Variants in PTAR1 observed in about 807,000 individuals in gnomAD.
The protein encoded by PTAR1 is protein prenyltransferase alpha subunit repeat-containing protein 1.
PTAR1 carries 17 observed loss-of-function variants against 45.5 expected under a neutral mutation model. The observed-to-expected ratio is 0.37, with a 90% CI of 0.26 to 0.56. The LOEUF (loss-of-function observed/expected upper bound fraction) is 0.56, where lower values mean the gene tolerates loss of function less well. Ranked by LOEUF, PTAR1 falls within the 20% of genes least tolerant of loss-of-function variation. PTAR1 has a pLI of 0.77. For synonymous variants in PTAR1, 169 were observed against 171.3 expected, an observed-to-expected ratio of 0.99 and a Z score of 0.11; for missense variants, 391 against 476.3, an observed-to-expected ratio of 0.82 and a Z score of 1.67.
chr9:69,741,809 G>A lies in PTAR1; in HGVS notation c.306C>T (p.Thr102=), dbSNP rs374661579. 1 of 1,598,754 alleles carries A rather than the reference G, an allele frequency of 6.3e-7. No individual in the cohort carries two copies. The highest frequency in any genetic ancestry group is 8.5e-7 in the Non-Finnish European group (1 of 1,170,460). The change falls in exon 3 of 8, where the codon ACC becomes ACT. Residue 102 remains threonine, a synonymous_variant. Coordinates refer to ENST00000340434, the MANE Select transcript of PTAR1 (RefSeq NM_001099666.2). ...CTLLLLNPDF[T]TAWNVRKELI... is the part of the protein sequence containing the mutation. ...TGACATACCTCACGTTCCATGCAGT[G>A]GTAAAGTCTGGGTTTAGAAGCAGCA...
chr9:69,723,161 C>G (rs185842662), intron 6 of PTAR1, among the ~76,000 whole-genome samples, 165 bp downstream of exon 6: 2 of 151,544 alleles, frequency 1.3e-5, no homozygotes, highest in African/African-American at 4.9e-5. Flanking sequence ...ATGATGATGA[C>G]GATGATATGG....
chr9:69,735,763 G>A (rs924530114), intron 3 of PTAR1, among the ~76,000 whole-genome samples: 1 of 151,888 alleles, frequency 6.6e-6, no homozygotes, highest in Admixed American at 6.6e-5. Flanking sequence ...TTTTAGAGAA[G>A]TTTAAGCCAG....
intron 1 of PTAR1, among the ~76,000 whole-genome samples, chr9:69,753,424 TA>T (rs1826622203): frequency 6.6e-6 from 1 of 152,156 alleles, no homozygotes; most frequent in Admixed American, 6.5e-5. Flanking sequence ...CTTGTCCCTC[TA>T]AAAGAACATT....
intron 2 of PTAR1, among the ~76,000 whole-genome samples, chr9:69,750,250 A>C (rs1826462327): frequency 6.6e-6 from 1 of 152,080 alleles, no homozygotes; most frequent in African/African-American, 2.4e-5. Context: ...ATTTCAGCAC[A>C]GGAACAGGAT....
At position 69,718,291 on chromosome 9, in the gene PTAR1, G is replaced by T; in HGVS notation, c.*51C>A. The T allele has an allele frequency of 1.2e-5, 16 of 1,284,548 alleles. No individual in the cohort carries two copies. The highest frequency in any genetic ancestry group is 1.7e-5 in the Non-Finnish European group (16 of 929,206). The allele number at this position is 1,284,548 out of a possible 1,614,324, so 79.6% of individuals were successfully genotyped here. On this transcript the variant is annotated 3_prime_UTR_variant, in exon 8 of 8. Coordinates refer to ENST00000340434, the MANE Select transcript of PTAR1 (RefSeq NM_001099666.2). The stretch of plus-strand genomic sequence containing the variant: ...TCATGCAACTATGTAAATAATAAAA[G>T]AAAGCAATATTGCACTAAAAGGGGA...
intron 1 of PTAR1, among the ~76,000 whole-genome samples, chr9:69,754,532 CTTTTTTTTTTTT>C (rs60025062): frequency 2.6e-5 from 2 of 76,266 alleles, no homozygotes; most frequent in Admixed American, 3.0e-4. Context: ...GGGTATATAT[CTTTTTTTTTTTT>C]TTTTTTTTTT....
intron 3 of PTAR1, among the ~76,000 whole-genome samples, chr9:69,741,350 T>C (rs1305016820): frequency 6.6e-6 from 1 of 152,106 alleles, no homozygotes; most frequent in African/African-American, 2.4e-5. Context: ...TTTCAGTAAA[T>C]GGCAATTCCA....
intron 2 of PTAR1, among the ~76,000 whole-genome samples, chr9:69,743,427 G>C (rs954275403): frequency 2.0e-5 from 3 of 152,048 alleles, no homozygotes; most frequent in Non-Finnish European, 2.9e-5. Context: ...AAATATTCTA[G>C]CTAACAATAA....
intron 3 of PTAR1, among the ~76,000 whole-genome samples, chr9:69,738,381 A>G (rs1029221988): frequency 2.0e-5 from 3 of 152,234 alleles, no homozygotes; most frequent in Non-Finnish European, 4.4e-5. Flanking sequence ...TTTGGTGCAC[A>G]GCTCAACCTT....
At chr9:69,754,532 C>CTTTT (rs60025062) in intron 1 of PTAR1, among the ~76,000 whole-genome samples, 7 of 76,260 alleles carry the variant, frequency 9.2e-5, no homozygotes, top group Non-Finnish European at 1.4e-4. Context: ...GGGTATATAT[C>CTTTT]TTTTTTTTTT....
chr9:69,754,477 A>AC, intron 1 of PTAR1, among the ~76,000 whole-genome samples: 1 of 151,050 alleles, frequency 6.6e-6, no homozygotes, highest in Non-Finnish European at 1.5e-5. Flanking sequence ...AACAAAAAAA[A>AC]CCCTAAAAGT....
Position 69,716,090 on chromosome 9 carries a change from C to T in PTAR1, c.*2252G>A, listed in dbSNP as rs904330043. The T allele has an allele frequency of 1.3e-5, 2 of 152,134 alleles. No homozygotes were observed. Among genetic ancestry groups the T allele is most frequent in the African/African-American group, 4.8e-5 (2 of 41,430 alleles). 9.4% of individuals were successfully genotyped at this position (152,134 alleles called of 1,614,324 possible). ...AGTGTTTTATAGGGTATTGTCTACA[C>T]TCATTTCCTGACATTTTTTCACATC... On this transcript the variant is annotated 3_prime_UTR_variant, in exon 8 of 8. Transcript: ENST00000340434.
intron 6 of PTAR1, among the ~76,000 whole-genome samples, chr9:69,719,025 T>C (rs536589884): frequency 2.6e-5 from 4 of 152,332 alleles, no homozygotes; most frequent in African/African-American, 9.6e-5. Context: ...ATTTCTGCTA[T>C]AAGTTATAAA....
At chr9:69,739,191 C>G (rs553602564) in intron 3 of PTAR1, among the ~76,000 whole-genome samples, 34 of 152,196 alleles carry the variant, frequency 2.2e-4, no homozygotes, top group Admixed American at 9.2e-4. Context: ...AATGTCAGAA[C>G]CAAACATCAA....
chr9:69,724,939 A>G (rs952204202), intron 5 of PTAR1, among the ~76,000 whole-genome samples: 1 of 152,224 alleles, frequency 6.6e-6, no homozygotes, highest in African/African-American at 2.4e-5. Context: ...GTTTATTCAT[A>G]GCCACCTAAA....
In PTAR1 at chr9:69,718,378, A is replaced by G. The variant is rs1295397358; in HGVS notation, c.1173T>C (p.Ser391=). 2.5e-6 allele frequency: 4 copies of G among 1,612,086 alleles called. No homozygotes were observed. Among genetic ancestry groups the G allele is most frequent in the Non-Finnish European group, 3.4e-6 (4 of 1,178,748 alleles). Residue 391 remains serine, a synonymous_variant, in exon 8 of 8, where the codon AGT becomes AGC. Coordinates refer to ENST00000340434, the MANE Select transcript of PTAR1 (RefSeq NM_001099666.2). ...CRNVEQARFA[S]AYRKWLVTLS... ...AAGTAACCAGCCATTTCCTGTATGC[A>G]CTGGCAAACCTGGCTTGCTCCACGT... is the stretch of plus-strand genomic sequence containing the variant.
At chr9:69,759,348 A>G (rs1564153067) in intron 1 of PTAR1, among the ~76,000 whole-genome samples, 1 of 152,302 alleles carries the variant, frequency 6.6e-6, no homozygotes, top group Middle Eastern at 3.4e-3. Flanking sequence ...TTTTGTGGCA[A>G]GTAAGGCTAA....
At chr9:69,729,265 A>G (rs1825426203) in intron 5 of PTAR1, among the ~76,000 whole-genome samples, 1 of 152,184 alleles carries the variant, frequency 6.6e-6, no homozygotes, top group Admixed American at 6.5e-5. Context: ...GGTTGCAGTG[A>G]GCTGAGATTG....
At chr9:69,758,641 TC>T in intron 1 of PTAR1, 1 of 383,724 alleles carries the variant, frequency 2.6e-6, no homozygotes, top group South Asian at 1.9e-5. Context: ...GTTGCACGTC[TC>T]CAATTGTGTG....
Sources: allele counts gnomAD v4.1 joint callset (sites outside exome capture counted in the v4.1 genomes callset), GRCh38; gene constraint gnomAD v4.1.1; transcripts MANE v1.5; gene names NCBI Gene and HGNC (gene_info 2026-07-23, HGNC 2026-07-21).